ARHGAP23: variants seen among roughly 807,000 people sequenced by gnomAD.
The protein encoded by ARHGAP23 is rho GTPase-activating protein 23.
Under a neutral mutation model 136.3 loss-of-function variants are expected in ARHGAP23, and 34 were observed. The observed-to-expected ratio is 0.25, with a 90% CI of 0.19 to 0.33. ARHGAP23 has a LOEUF of 0.33. Ranked by LOEUF, ARHGAP23 falls within the 10% of genes least tolerant of loss-of-function variation. The pLI is 1.00. For missense variants in ARHGAP23, 1,808 were observed against 2,139.0 expected, an observed-to-expected ratio of 0.85 and a Z score of 3.05; for synonymous variants, 832 against 920.5, an observed-to-expected ratio of 0.90 and a Z score of 1.74.
chr17:38,458,254 C>T lies in ARHGAP23; in HGVS notation c.216C>T (p.Cys72=). The change falls in exon 2 of 24, where the codon TGC becomes TGT. Residue 72 remains cysteine (C), a synonymous_variant. Coordinates refer to ENST00000622683, the MANE Select transcript of ARHGAP23 (RefSeq NM_001199417.2). ...ACCCACCCGAGTCGGCCGTGCACTGCAGCCTGAAGGTATGCCCGGCTCGCC... is the reference window on the plus strand; with the variant it reads ...ACCCACCCGAGTCGGCCGTGCACTGTAGCCTGAAGGTATGCCCGGCTCGCC... ...IVYPPESAVH[C]SLKEEENGGR... The T allele has an allele frequency of 1.3e-6, 2 of 1,525,744 alleles. No individual in the cohort carries two copies. Among genetic ancestry groups the T allele is most frequent in the Admixed American group, 2.0e-5 (1 of 50,000 alleles). The allele number at this position is 1,525,744 out of a possible 1,614,324, so 94.5% of individuals were successfully genotyped here.
At position 38,509,960 on chromosome 17, in the gene ARHGAP23, A is replaced by G; in HGVS notation, c.3464A>G (p.Lys1155Arg). ...SAKSKGSWAP[K>R]KEPYAREMLA... ...CCCACACAGGGTTCGTGGGCCCCCAAGAAGGAGCCGTACGCCCGGGAGATG... is the reference window on the plus strand; with the variant it reads ...CCCACACAGGGTTCGTGGGCCCCCAGGAAGGAGCCGTACGCCCGGGAGATG... Residue 1155 changes from lysine to arginine, a missense_variant, in exon 24 of 24, where the codon AAG (lysine) becomes AGG (arginine). Around this residue, in one of 7 missense-constraint regions of ARHGAP23, gnomAD observed 104 missense variants for 131.8 expected, o/e 0.79. Coordinates refer to ENST00000622683, the MANE Select transcript of ARHGAP23 (RefSeq NM_001199417.2). The G allele has an allele frequency of 8.0e-7, 1 of 1,250,940 alleles. No individual in the cohort carries two copies. The highest frequency in any genetic ancestry group is 2.6e-4 in the Middle Eastern group (1 of 3,882). 77.5% of individuals were successfully genotyped at this position (1,250,940 alleles called of 1,614,324 possible).
At chr17:38,436,270 G>T (rs919406518) in intron 1 of ARHGAP23, among the ~76,000 whole-genome samples, 7 of 152,170 alleles carry the variant, frequency 4.6e-5, no homozygotes, top group Non-Finnish European at 1.0e-4. Flanking sequence ...CTTCCCCACT[G>T]GGAGCTTTTT....
chr17:38,491,385 A>T (rs1190474866), intron 19 of ARHGAP23, 22 bp from the exon 20 acceptor site: 2 of 1,549,528 alleles, frequency 1.3e-6, no homozygotes, highest in African/African-American at 2.7e-5. Context: ...GTTGACAGTG[A>T]CCTGCTTTCC....
Position 38,479,963 on chromosome 17 carries a change from G to A in ARHGAP23, c.2629+80G>A, listed in dbSNP as rs186938431. On this transcript the variant is annotated intron_variant, in intron 14 of 23. Transcript: ENST00000622683. ...GGGGAGGGCACGCGTGTGTGTGTTGGGCTGTGTCTGCTCATGTGTGCCTGA... is the reference window on the plus strand; with the variant it reads ...GGGGAGGGCACGCGTGTGTGTGTTGAGCTGTGTCTGCTCATGTGTGCCTGA... 7.8e-5 allele frequency: 118 copies of A among 1,518,532 alleles called. No individual in the cohort carries two copies. In the East Asian group the frequency reaches 2.8e-3, roughly 36 times the overall value. The allele number at this position is 1,518,532 out of a possible 1,614,324, so 94.1% of individuals were successfully genotyped here. A position where few individuals can be genotyped will look rare whatever the true frequency, so the allele number is the denominator to read the frequency against.
intron 6 of ARHGAP23, 71 bp downstream of exon 6, chr17:38,463,453 A>G (rs892994560): frequency 3.9e-6 from 6 of 1,522,046 alleles, no homozygotes; most frequent in Non-Finnish European, 5.4e-6. Flanking sequence ...CCTGGGAGGC[A>G]GAGAAGGAAG....
Position 38,510,216 on chromosome 17 carries a change from C to G in ARHGAP23, c.3720C>G (p.Ala1240=), listed in dbSNP as rs2040724642. Residue 1240 remains alanine (A), a synonymous_variant, in exon 24 of 24, where the codon GCC becomes GCG. Coordinates refer to ENST00000622683, the MANE Select transcript of ARHGAP23 (RefSeq NM_001199417.2). This position sits in a 1 kb window ranked among gnomAD's most constrained non-coding sequence, Gnocchi z 4.6. The part of the protein sequence containing the change: ...SPPAAPEERP[A]ADTRSIVSGY... ...CGGCGGCGCCGGAGGAGCGGCCGGC[C>G]GCGGACACGCGCTCCATTGTGTCGG... is the stretch of plus-strand genomic sequence containing the variant. 1.5e-6 allele frequency: 2 copies of G among 1,374,622 alleles called. No homozygotes were observed. Among genetic ancestry groups the G allele is most frequent in the Non-Finnish European group, 1.9e-6 (2 of 1,063,850 alleles). The allele number at this position is 1,374,622 out of a possible 1,614,324, so 85.2% of individuals were successfully genotyped here.
intron 6 of ARHGAP23, among the ~76,000 whole-genome samples, chr17:38,465,532 A>G (rs2039569088): frequency 6.6e-6 from 1 of 152,012 alleles, no homozygotes; most frequent in Non-Finnish European, 1.5e-5. Context: ...TGGCCCTGTC[A>G]CTCCTTAGCA....
chr17:38,437,970 C>G (rs968431436), intron 1 of ARHGAP23, among the ~76,000 whole-genome samples: 9 of 151,740 alleles, frequency 5.9e-5, no homozygotes, highest in Non-Finnish European at 1.2e-4. Flanking sequence ...CAAAGATGGT[C>G]CAGCTCTCAG....
chr17:38,479,874 G>A lies in ARHGAP23; in HGVS notation c.2620G>A (p.Gly874Arg). ...RGLRTQDLPA[G>R]SKDDSAAAPK... is the part of the protein sequence containing the mutation. ...CCTCAGGACTCAGGACCTGCCCGCA[G>A]GGAGCAAGGGTAGGAAGGTGGCCAC... Residue 874 changes from glycine to arginine, a missense_variant, in exon 14 of 24, where the codon GGG becomes AGG. By Grantham distance (125) the Gly-to-Arg change is moderately radical. Coordinates refer to ENST00000622683, the MANE Select transcript of ARHGAP23 (RefSeq NM_001199417.2). The A allele has an allele frequency of 1.3e-6, 2 of 1,547,156 alleles. No homozygotes were observed. Among genetic ancestry groups the A allele is most frequent in the Non-Finnish European group, 1.7e-6 (2 of 1,146,108 alleles).
At chr17:38,467,586 TTTC>T (rs1390637831) in intron 7 of ARHGAP23, among the ~76,000 whole-genome samples, 4 of 152,172 alleles carry the variant, frequency 2.6e-5, no homozygotes, top group Non-Finnish European at 5.9e-5. Context: ...CCACGCACTC[TTTC>T]TTTTTTCCCT....
intron 14 of ARHGAP23, among the ~76,000 whole-genome samples, chr17:38,480,821 A>AG (rs2040021383): frequency 6.6e-6 from 1 of 150,568 alleles, no homozygotes; most frequent in African/African-American, 2.4e-5. Context: ...AAAAAAAAAA[A>AG]AAAGAAAGAA....
chr17:38,426,275 G>C (rs1831514909), upstream of ARHGAP23, among the ~76,000 whole-genome samples: 1 of 152,012 alleles, frequency 6.6e-6, no homozygotes, highest in South Asian at 2.1e-4. Context: ...AGGCGCGGTG[G>C]CTCATGCCTG....
intron 6 of ARHGAP23, among the ~76,000 whole-genome samples, chr17:38,465,254 A>G (rs2039561321): frequency 6.6e-6 from 1 of 152,124 alleles, no homozygotes; most frequent in Non-Finnish European, 1.5e-5. Flanking sequence ...GCTTGTCCTC[A>G]TCACATGATG....
chr17:38,493,270 C>G (rs373360579), intron 20 of ARHGAP23, among the ~76,000 whole-genome samples: 2 of 150,338 alleles, frequency 1.3e-5, no homozygotes, highest in African/African-American at 4.9e-5. Flanking sequence ...TGGGCAGATA[C>G]GGCCCACTTC....
intron 1 of ARHGAP23, among the ~76,000 whole-genome samples, chr17:38,435,298 G>A (rs1367566427): frequency 7.3e-6 from 1 of 136,882 alleles, no homozygotes; most frequent in Non-Finnish European, 1.5e-5. Context: ...CCAAGTGGGA[G>A]GAGGAAGGGG....
chr17:38,496,949 T>C (rs1249605153), intron 20 of ARHGAP23, among the ~76,000 whole-genome samples: 3 of 28,954 alleles, frequency 1.0e-4, no homozygotes, highest in Admixed American at 5.1e-4. Context: ...TGAGATTCTG[T>C]TGGAAAAAAA....
chr17:38,455,895 C>T (rs1338606549), intron 1 of ARHGAP23, among the ~76,000 whole-genome samples: 4 of 152,186 alleles, frequency 2.6e-5, no homozygotes, highest in South Asian at 2.1e-4. Flanking sequence ...TGCAGGGCAC[C>T]GTGGGAGAGA....
chr17:38,509,884 C>T (rs1380731545), intron 23 of ARHGAP23, 60 bp from the exon 24 acceptor site: 2 of 1,196,064 alleles, frequency 1.7e-6, no homozygotes, highest in African/African-American at 3.2e-5. Flanking sequence ...CCGGGTAGAG[C>T]GGGGTCGGCA....
chr17:38,438,123 C>T (rs946139050), intron 1 of ARHGAP23, among the ~76,000 whole-genome samples: 1 of 152,126 alleles, frequency 6.6e-6, no homozygotes, highest in Non-Finnish European at 1.5e-5. Context: ...GAGATCGAGA[C>T]CGTCCTGGCC....
Sources: allele counts gnomAD v4.1 joint callset (sites outside exome capture counted in the v4.1 genomes callset), GRCh38; gene constraint gnomAD v4.1.1; regional missense constraint gnomAD v4.1.1; non-coding constraint Gnocchi (gnomAD v3.1); transcripts MANE v1.5; gene names NCBI Gene and HGNC (gene_info 2026-07-23, HGNC 2026-07-21).